DYNC1H1: variants seen among roughly 807,000 people sequenced by gnomAD.
DYNC1H1 encodes cytoplasmic dynein 1 heavy chain 1.
Under a neutral mutation model 527.1 loss-of-function variants are expected in DYNC1H1, and 51 were observed. The ratio of observed to expected loss-of-function variants is 0.10; its 90% CI spans 0.08 to 0.12. The LOEUF is 0.12. DYNC1H1 is among the 10% of genes least tolerant of loss of function. The pLI is 1.00. For synonymous variants in DYNC1H1, 2,189 were observed against 2,278.8 expected (o/e 0.96, Z 1.12); for missense variants, 2,771 against 5,971.8 (o/e 0.46, Z 17.66).
intron 1 of DYNC1H1, among the ~76,000 whole-genome samples, chr14:101,970,406 C>T (rs569583307): frequency 6.7e-6 from 1 of 149,930 alleles, no homozygotes; most frequent in African/African-American, 2.5e-5. Flanking sequence ...AAAAGGGAGG[C>T]CGTGTATAAT....
In DYNC1H1 at chr14:102,016,143, A is replaced by C. The variant is rs1332593967; in HGVS notation, c.7473+57A>C. 1 of 1,546,540 alleles carries C rather than the reference A, an allele frequency of 6.5e-7. No individual in the cohort carries two copies. The highest frequency in any genetic ancestry group is 2.4e-5 in the East Asian group (1 of 41,302). ...ACCACTGCGCCAGACCACAGGTCTGAGGACCTCTGAAATGCTGCACCTGTG... is the reference window on the plus strand; with the variant it reads ...ACCACTGCGCCAGACCACAGGTCTGCGGACCTCTGAAATGCTGCACCTGTG... On this transcript the variant is annotated intron_variant, in intron 36 of 77. Transcript: ENST00000360184. This position sits in a 1 kb window ranked among gnomAD's most constrained non-coding sequence, Gnocchi z 7.3.
intron 72 of DYNC1H1, 113 bp from the exon 73 acceptor site, chr14:102,047,704 C>A: frequency 8.0e-7 from 1 of 1,242,632 alleles, no homozygotes; most frequent in Non-Finnish European, 1.1e-6. Context: ...TGCTGCAGTT[C>A]CCAGTGTGGA....
chr14:101,991,680 CT>C lies in DYNC1H1; in HGVS notation c.3015+10del. On this transcript the variant is annotated splice_region_variant and intron_variant, in intron 11 of 77. Coordinates refer to ENST00000360184, the MANE Select transcript of DYNC1H1 (RefSeq NM_001376.5). ...CCAGAGTCAGAGGTACCAGGTAAGCCTTTGGTGACTCGAGGCACACGCCTCT... is the reference window on the plus strand; with the variant it reads ...CCAGAGTCAGAGGTACCAGGTAAGCCTTGGTGACTCGAGGCACACGCCTCT... 1 of 1,614,106 alleles carries C rather than the reference CT, an allele frequency of 6.2e-7. No individual in the cohort carries two copies. The highest frequency in any genetic ancestry group is 8.5e-7 in the Non-Finnish European group (1 of 1,180,018).
In DYNC1H1 at chr14:101,964,620, G is replaced by C; in HGVS notation, c.-72G>C. Reference sequence around the variant, plus strand: ...GGTCCGGCTTCCGGCGGCCGTTTCTGTCTCTTGCTGGCTGTCTCGCTGAGT... The same window carrying C: ...GGTCCGGCTTCCGGCGGCCGTTTCTCTCTCTTGCTGGCTGTCTCGCTGAGT... On this transcript the variant is annotated 5_prime_UTR_variant, in exon 1 of 78. Transcript: ENST00000360184. The surrounding 1 kb of genome is among the most constrained non-coding windows in gnomAD (Gnocchi z 5.5). 1 of 1,536,936 alleles carries C rather than the reference G, an allele frequency of 6.5e-7. No homozygotes were observed. Among genetic ancestry groups the C allele is most frequent in the South Asian group, 1.2e-5 (1 of 84,460 alleles).
chr14:101,970,148 T>C (rs1020087209), intron 1 of DYNC1H1, among the ~76,000 whole-genome samples: 8 of 152,186 alleles, frequency 5.3e-5, no homozygotes. Context: ...CAAAATGAGC[T>C]CCAGTTTACG....
rs755253341 is a variant in DYNC1H1 at position 102,010,602 on chromosome 14, A to T, written c.6406-138A>T. On this transcript the variant is annotated intron_variant, in intron 31 of 77. Coordinates refer to ENST00000360184, the MANE Select transcript of DYNC1H1 (RefSeq NM_001376.5). The surrounding 1 kb of genome is among the most constrained non-coding windows in gnomAD (Gnocchi z 6.0). Reference sequence around the variant, plus strand: ...AATAGACTGTAATGTTGACCCAGTGAGTCGAGTGCACGAATGTGGGCGAGT... The same window carrying T: ...AATAGACTGTAATGTTGACCCAGTGTGTCGAGTGCACGAATGTGGGCGAGT... 2.7e-6 allele frequency: 4 copies of T among 1,489,188 alleles called. No homozygotes were observed. The highest frequency in any genetic ancestry group is 3.7e-6 in the Non-Finnish European group (4 of 1,088,212). The allele number at this position is 1,489,188 out of a possible 1,614,324, so 92.2% of individuals were successfully genotyped here.
chr14:102,022,980 AGGCTGGGTATGGTGTCTCACACC>A, intron 43 of DYNC1H1, 100 bp downstream of exon 43: 1 of 1,568,316 alleles, frequency 6.4e-7, no homozygotes, highest in Admixed American at 1.8e-5. Context: ...AAATATCTTT[AGGCTGGGTATGGTGTCTCACACC>A]TGTAATCCCA....
chr14:101,988,752 C>T lies in DYNC1H1; in HGVS notation c.2768C>T (p.Thr923Met), dbSNP rs760518511. 50 of 1,614,040 alleles carry T rather than the reference C, an allele frequency of 3.1e-5. No homozygotes were observed. The highest frequency in any genetic ancestry group is 3.9e-5 in the Non-Finnish European group (46 of 1,180,042). The change falls in exon 10 of 78, where the codon ACG becomes ATG. Residue 923 changes from threonine to methionine, a missense_variant. By Grantham distance (81) the Thr-to-Met change is moderately conservative. Around this residue, in one of 32 missense-constraint regions of DYNC1H1, gnomAD observed 179 missense variants for 349.4 expected, o/e 0.51. Coordinates refer to ENST00000360184, the MANE Select transcript of DYNC1H1 (RefSeq NM_001376.5). ...VRLQAGLRAW[T>M]QVLLGQAEDK... Reference sequence around the variant, plus strand: ...CTGCAAGCTGGCCTGAGAGCTTGGACGCAGGTTCTTCTTGGACAAGCTGAA... The same window carrying T: ...CTGCAAGCTGGCCTGAGAGCTTGGATGCAGGTTCTTCTTGGACAAGCTGAA...
chr14:102,047,731 C>G (rs991654390), intron 72 of DYNC1H1, 86 bp from the exon 73 acceptor site: 20 of 1,551,706 alleles, frequency 1.3e-5, no homozygotes, highest in Non-Finnish European at 7.0e-6. Flanking sequence ...CACCATGTGG[C>G]CTTTACGTTC....
chr14:101,980,657 G>A (rs922472466), intron 5 of DYNC1H1, 107 bp downstream of exon 5: 35 of 1,323,432 alleles, frequency 2.6e-5, no homozygotes, highest in African/African-American at 4.4e-5. Flanking sequence ...ATGTACTGTC[G>A]TTTTTAACCA....
At chr14:101,992,423 C>G (rs2048007875) in intron 11 of DYNC1H1, among the ~76,000 whole-genome samples, 1 of 152,170 alleles carries the variant, frequency 6.6e-6, no homozygotes, top group Non-Finnish European at 1.5e-5. Context: ...TTCAAGGAGT[C>G]TACGTACAAT....
Position 102,033,842 on chromosome 14 carries a change from G to C in DYNC1H1, c.10414-134G>C, listed in dbSNP as rs946085280. The C allele has an allele frequency of 8.7e-6, 8 of 923,862 alleles. No homozygotes were observed. The highest frequency in any genetic ancestry group is 1.2e-5 in the Non-Finnish European group (7 of 589,050). The allele number at this position is 923,862 out of a possible 1,614,324, so 57.2% of individuals were successfully genotyped here. ...TATGATCTGGGTCTCATCTCCTCTG[G>C]GACTGTGAACAACTTGGGCACGTTT... On this transcript the variant is annotated intron_variant, in intron 54 of 77. Coordinates refer to ENST00000360184, the MANE Select transcript of DYNC1H1 (RefSeq NM_001376.5). This position sits in a 1 kb window ranked among gnomAD's most constrained non-coding sequence, Gnocchi z 5.6.
chr14:102,029,408 T>C lies in DYNC1H1; in HGVS notation c.9469-131T>C. The C allele has an allele frequency of 1.7e-6, 2 of 1,209,206 alleles. No individual in the cohort carries two copies. Among genetic ancestry groups the C allele is most frequent in the Admixed American group, 4.0e-5 (2 of 49,910 alleles). 74.9% of individuals were successfully genotyped at this position (1,209,206 alleles called of 1,614,324 possible). A position where few individuals can be genotyped will look rare whatever the true frequency, so the allele number is the denominator to read the frequency against. On this transcript the variant is annotated intron_variant, in intron 48 of 77. Coordinates refer to ENST00000360184, the MANE Select transcript of DYNC1H1 (RefSeq NM_001376.5). This position sits in a 1 kb window ranked among gnomAD's most constrained non-coding sequence, Gnocchi z 5.3. ...CTAAGTGGCTAAGCTGAGGCCCGACTCGAGTGTTCTGGCCCCGAGGGCCAG... is the reference window on the plus strand; with the variant it reads ...CTAAGTGGCTAAGCTGAGGCCCGACCCGAGTGTTCTGGCCCCGAGGGCCAG...
intron 43 of DYNC1H1, chr14:102,023,956 A>G (rs1334208464): frequency 6.6e-6 from 1 of 152,210 alleles, no homozygotes; most frequent in African/African-American, 2.4e-5. Context: ...GCACTATAAA[A>G]TAGGCTGCGG....
intron 1 of DYNC1H1, among the ~76,000 whole-genome samples, chr14:101,971,085 CTTTTTTTTTTT>C (rs780745783): frequency 3.0e-4 from 19 of 64,080 alleles, no homozygotes; most frequent in African/African-American, 1.1e-3. Context: ...CCGTATCATT[CTTTTTTTTTTT>C]TTTTTTTTTT....
chr14:102,005,788 G>C lies in DYNC1H1; in HGVS notation c.5434-100G>C. The C allele has an allele frequency of 6.8e-7, 1 of 1,459,864 alleles. No homozygotes were observed. Among genetic ancestry groups the C allele is most frequent in the Non-Finnish European group, 9.6e-7 (1 of 1,044,344 alleles). The allele number at this position is 1,459,864 out of a possible 1,614,324, so 90.4% of individuals were successfully genotyped here. A position where few individuals can be genotyped will look rare whatever the true frequency, so the allele number is the denominator to read the frequency against. ...CATTTACTGAAAGCCATTGTAACTGGACCTAGAACCTCAATTTCAGTTTAA... is the reference window on the plus strand; with the variant it reads ...CATTTACTGAAAGCCATTGTAACTGCACCTAGAACCTCAATTTCAGTTTAA... On this transcript the variant is annotated intron_variant, in intron 26 of 77. Transcript: ENST00000360184. The surrounding 1 kb of genome is among the most constrained non-coding windows in gnomAD (Gnocchi z 4.0).
intron 1 of DYNC1H1, among the ~76,000 whole-genome samples, chr14:101,971,085 C>CT (rs780745783): frequency 0.02 from 1,260 of 64,080 alleles, 229 homozygotes; most frequent in Middle Eastern, 0.053. Context: ...CCGTATCATT[C>CT]TTTTTTTTTT....
chr14:101,965,009 G>A lies in DYNC1H1; in HGVS notation c.256+62G>A. Reference sequence around the variant, plus strand: ...GCCTCGCGGAATGCAGGGCCTGCCAGGTCCTCCGGGGTCGCAGATGTCCCC... The same window carrying A: ...GCCTCGCGGAATGCAGGGCCTGCCAAGTCCTCCGGGGTCGCAGATGTCCCC... On this transcript the variant is annotated intron_variant, in intron 1 of 77. Transcript: ENST00000360184. The surrounding 1 kb of genome is among the most constrained non-coding windows in gnomAD (Gnocchi z 4.1). The A allele has an allele frequency of 2.0e-6, 3 of 1,510,210 alleles. No homozygotes were observed. Among genetic ancestry groups the A allele is most frequent in the Non-Finnish European group, 2.7e-6 (3 of 1,121,710 alleles). 93.6% of individuals were successfully genotyped at this position (1,510,210 alleles called of 1,614,324 possible).
chr14:101,982,911 C>T (rs1046745839), intron 5 of DYNC1H1, 108 bp from the exon 6 acceptor site: 117 of 1,311,086 alleles, frequency 8.9e-5, no homozygotes, highest in Middle Eastern at 8.1e-4. Flanking sequence ...GTTTTTGTCT[C>T]GCTAGATATT....
Sources: gnomAD v4.1 joint callset for allele counts (sites outside exome capture counted in the v4.1 genomes callset) on GRCh38, gnomAD v4.1.1 for gene constraint, gnomAD v4.1.1 regional missense constraint, Gnocchi (gnomAD v3.1) non-coding constraint, MANE v1.5 for transcripts, NCBI Gene and HGNC (gene_info 2026-07-23, HGNC 2026-07-21) for gene names.